HNRNPUL1: variants seen among roughly 807,000 people sequenced by gnomAD.
The protein encoded by HNRNPUL1 is heterogeneous nuclear ribonucleoprotein U-like protein 1.
In HNRNPUL1, 14 loss-of-function variants were observed where a neutral mutation model predicts 108.5. That is an observed-to-expected ratio of 0.13 (90% confidence interval 0.09 to 0.20). HNRNPUL1 has a LOEUF of 0.20. Among genes scored for constraint, HNRNPUL1 ranks in the 10% least tolerant of loss-of-function variants. The pLI, the probability that HNRNPUL1 is intolerant of heterozygous loss-of-function variation, is 1.00. For missense variants in HNRNPUL1, 804 were observed against 1,168.3 expected, an observed-to-expected ratio of 0.69 and a Z score of 4.55; for synonymous variants, 422 against 445.2, an observed-to-expected ratio of 0.95 and a Z score of 0.66.
chr19:41,272,896 T>A (rs921572531), intron 3 of HNRNPUL1, among the ~76,000 whole-genome samples: 5 of 152,292 alleles, frequency 3.3e-5, no homozygotes, highest in African/African-American at 1.2e-4. Flanking sequence ...TTCCTTCAGT[T>A]CCTGTCTGAA....
intron 1 of HNRNPUL1, chr19:41,265,159 G>T: frequency 1.4e-6 from 2 of 1,425,530 alleles, no homozygotes; most frequent in South Asian, 2.9e-5. Flanking sequence ...CGAAAATGGG[G>T]ATCCTAGGGT....
chr19:41,284,115 A>T (rs1158962727), intron 7 of HNRNPUL1, among the ~76,000 whole-genome samples: 1 of 152,244 alleles, frequency 6.6e-6, no homozygotes, highest in Non-Finnish European at 1.5e-5. Flanking sequence ...AGCCTTGAGT[A>T]GCACCATGGG....
intron 1 of HNRNPUL1, among the ~76,000 whole-genome samples, chr19:41,265,902 C>G (rs1008599575): frequency 6.6e-6 from 1 of 152,040 alleles, no homozygotes; most frequent in Non-Finnish European, 1.5e-5. Context: ...GTTGACTTCA[C>G]TGGAGGCCTC....
chr19:41,285,407 T>C (rs1022382575), intron 7 of HNRNPUL1, among the ~76,000 whole-genome samples: 1 of 152,146 alleles, frequency 6.6e-6, no homozygotes, highest in Non-Finnish European at 1.5e-5. Context: ...GTATTTTTTG[T>C]AGAGATGGGG....
chr19:41,303,890 C>T, intron 12 of HNRNPUL1, 82 bp from the exon 13 acceptor site: 1 of 1,514,960 alleles, frequency 6.6e-7, no homozygotes, highest in East Asian at 2.3e-5. Flanking sequence ...TGCCGGCTCA[C>T]AGTAGTCACC....
chr19:41,289,618 G>A (rs933861725), intron 7 of HNRNPUL1, among the ~76,000 whole-genome samples: 3 of 152,000 alleles, frequency 2.0e-5, no homozygotes, highest in African/African-American at 2.4e-5. Flanking sequence ...GGTTGAGGGC[G>A]CCGGTTTCTG....
At chr19:41,295,784 C>T (rs1456727384) in intron 10 of HNRNPUL1, among the ~76,000 whole-genome samples, 1 of 152,186 alleles carries the variant, frequency 6.6e-6, no homozygotes, top group Non-Finnish European at 1.5e-5. Context: ...TTGGCTTTGT[C>T]AGAATGGTAG....
intron 1 of HNRNPUL1, among the ~76,000 whole-genome samples, chr19:41,266,634 A>G (rs920591233): frequency 5.9e-5 from 9 of 152,076 alleles, no homozygotes; most frequent in African/African-American, 2.2e-4. Flanking sequence ...GGGACTGGAA[A>G]GGTTAAGGAG....
chr19:41,276,548 T>A, intron 5 of HNRNPUL1: 1 of 392,740 alleles, frequency 2.5e-6, no homozygotes, highest in South Asian at 4.4e-5. Context: ...CCAGGTATTA[T>A]GTAGTCAACC....
rs2122848733 is a variant in HNRNPUL1 at position 41,294,517 on chromosome 19, G to A, written c.1390-41G>A. 6.2e-7 allele frequency: 1 copy of A among 1,613,730 alleles called. No homozygotes were observed. Among genetic ancestry groups the A allele is most frequent in the South Asian group, 1.1e-5 (1 of 91,058 alleles). ...CCTCCAACCTACTGAGTGCTGCCCT[G>A]CAACTAAAATCACTCACCCCTCACC... On this transcript the variant is annotated intron_variant, in intron 9 of 14. Coordinates refer to ENST00000392006, the MANE Select transcript of HNRNPUL1 (RefSeq NM_007040.6). This position sits in a 1 kb window ranked among gnomAD's most constrained non-coding sequence, Gnocchi z 4.3.
At chr19:41,301,747 C>T in intron 11 of HNRNPUL1, 43 bp downstream of exon 11, 1 of 1,536,632 alleles carries the variant, frequency 6.5e-7, no homozygotes, top group Non-Finnish European at 8.8e-7. Context: ...ATGCAGGGTC[C>T]TGGAGAGAAG....
chr19:41,286,357 T>C (rs1466972929), intron 7 of HNRNPUL1: 3 of 152,198 alleles, frequency 2.0e-5, no homozygotes, highest in South Asian at 4.1e-4. Context: ...TCTGACCCAT[T>C]TGAGAGGAGG....
intron 1 of HNRNPUL1, chr19:41,265,328 G>T (rs753219494): frequency 5.2e-5 from 78 of 1,510,562 alleles, no homozygotes; most frequent in Non-Finnish European, 6.8e-5. Flanking sequence ...GCGATCCTGG[G>T]CGTTCTCCTA....
Position 41,294,291 on chromosome 19 carries a change from G to A in HNRNPUL1, c.1267-47G>A. The A allele has an allele frequency of 6.2e-7, 1 of 1,607,314 alleles. No homozygotes were observed. Among genetic ancestry groups the A allele is most frequent in the Non-Finnish European group, 8.5e-7 (1 of 1,175,868 alleles). On this transcript the variant is annotated intron_variant, in intron 8 of 14. Transcript: ENST00000392006. This position sits in a 1 kb window ranked among gnomAD's most constrained non-coding sequence, Gnocchi z 4.3. ...CTCACAGTCACCACCGAGCCAAGTG[G>A]TGCCATACCACCATGCCGCAACACC... is the stretch of plus-strand genomic sequence containing the variant.
chr19:41,264,996 G>A, intron 1 of HNRNPUL1, 198 bp downstream of exon 1: 2 of 1,370,920 alleles, frequency 1.5e-6, no homozygotes, highest in Non-Finnish European at 1.9e-6. Flanking sequence ...GTGCAGGGGG[G>A]ACACTGGGGG....
At chr19:41,264,112 C>T (rs1403806297), upstream of HNRNPUL1, among the ~76,000 whole-genome samples, 1 of 152,236 alleles carries the variant, frequency 6.6e-6, no homozygotes, top group Non-Finnish European at 1.5e-5. Flanking sequence ...GACCTTACGG[C>T]AGCCGGCGCG....
chr19:41,269,491 A>AC (rs1310955721), intron 2 of HNRNPUL1, among the ~76,000 whole-genome samples: 1 of 151,224 alleles, frequency 6.6e-6, no homozygotes, highest in African/African-American at 2.4e-5. Context: ...AAAAAAAAAA[A>AC]AAAAAAAAAA....
At chr19:41,275,456 C>G (rs1206536531) in intron 4 of HNRNPUL1, among the ~76,000 whole-genome samples, 3 of 152,046 alleles carry the variant, frequency 2.0e-5, no homozygotes, top group Non-Finnish European at 4.4e-5. Context: ...CCTCCGTACT[C>G]CAGCCTGGGT....
chr19:41,303,000 C>T (rs2037326375), intron 12 of HNRNPUL1, 51 bp downstream of exon 12: 1 of 1,500,984 alleles, frequency 6.7e-7, no homozygotes, highest in Non-Finnish European at 8.9e-7. Flanking sequence ...CAGGTTGGGG[C>T]TGGGCTTTGA....
Sources: allele counts gnomAD v4.1 joint callset (sites outside exome capture counted in the v4.1 genomes callset), GRCh38; gene constraint gnomAD v4.1.1; non-coding constraint Gnocchi (gnomAD v3.1); transcripts MANE v1.5; gene names NCBI Gene and HGNC (gene_info 2026-07-23, HGNC 2026-07-21).